The following TBC1D17 variants were observed in gnomAD, a reference collection of about 807,000 sequenced individuals.
The protein encoded by TBC1D17 is TBC1 domain family member 17, also known as TBC1 domain family, member 17.
Under a neutral mutation model 78.8 loss-of-function variants are expected in TBC1D17, and 69 were observed. The ratio of observed to expected loss-of-function variants is 0.88; its 90% CI spans 0.72 to 1.07. TBC1D17 has a LOEUF of 1.07. Ranked by LOEUF, TBC1D17 falls within the 50% of genes least tolerant of loss-of-function variation. The pLI, the probability that TBC1D17 is intolerant of heterozygous loss-of-function variation, is 0.00. For missense variants in TBC1D17, 957 were observed against 861.0 expected (o/e 1.11, Z -1.39); for synonymous variants, 456 against 358.3 (o/e 1.27, Z -3.08).
In TBC1D17 at chr19:49,883,787, A is replaced by C. The variant is rs767623582; in HGVS notation, c.1126+42A>C. On this transcript the variant is annotated intron_variant, in intron 10 of 16. Coordinates refer to ENST00000221543, the MANE Select transcript of TBC1D17 (RefSeq NM_024682.3). ...GCACTTAGGGTGGATGGGAGCAGGG[A>C]ACCACAGGAGGGCCTCAGGCATAAG... 44 of 1,560,728 alleles carry C rather than the reference A, an allele frequency of 2.8e-5. No homozygotes were observed. In the South Asian group the frequency reaches 4.3e-4, roughly 15 times the overall value.
chr19:49,879,523 G>A lies in TBC1D17; in HGVS notation c.196-756G>A, dbSNP rs2074991252. 2.6e-5 allele frequency: 4 copies of A among 152,298 alleles called. No individual in the cohort carries two copies. The South Asian group carries it at 6.2e-4, about 24-fold the overall frequency. 9.4% of individuals were successfully genotyped at this position (152,298 alleles called of 1,614,324 possible). On this transcript the variant is annotated intron_variant, in intron 3 of 16. Transcript: ENST00000221543. ...TTTCCAGGTTGGCCTGCATCTGGTT[G>A]GTAGAATTTGTCCTGTGTCCTGGAT...
rs116089147 is a variant in TBC1D17, at chr19:49,877,800, T to G, written c.21+56T>G. ...AGTGTATGCGAAACGCCCCGTCTAGTGATCAGCTCTTCTCTCAGGCCTTGG... is the reference window on the plus strand; with the variant it reads ...AGTGTATGCGAAACGCCCCGTCTAGGGATCAGCTCTTCTCTCAGGCCTTGG... On this transcript the variant is annotated intron_variant, in intron 1 of 16. Transcript: ENST00000221543. 2.5e-3 allele frequency: 3,878 copies of G among 1,548,086 alleles called. 82 individuals carry two copies. In the African/African-American group the frequency reaches 0.044, roughly 18 times the overall value.
chr19:49,878,073 C>A, intron 1 of TBC1D17, 70 bp from the exon 2 acceptor site: 7 of 1,302,532 alleles, frequency 5.4e-6, no homozygotes, highest in Non-Finnish European at 7.5e-6. Flanking sequence ...TCCCTGGGCC[C>A]GTCCCTATTG....
In TBC1D17 at chr19:49,878,493, C is replaced by G; in HGVS notation, c.121-5C>G. On this transcript the variant is annotated splice_region_variant and splice_polypyrimidine_tract_variant and intron_variant, in intron 2 of 16. Coordinates refer to ENST00000221543, the MANE Select transcript of TBC1D17 (RefSeq NM_024682.3). ...CCTCTAACCCCGCCTCCCTCCTTACCCTAGGACAATGACGTCCTCCTGCAC... is the reference window on the plus strand; with the variant it reads ...CCTCTAACCCCGCCTCCCTCCTTACGCTAGGACAATGACGTCCTCCTGCAC... The G allele has an allele frequency of 6.2e-7, 1 of 1,613,702 alleles. No individual in the cohort carries two copies. The highest frequency in any genetic ancestry group is 8.5e-7 in the Non-Finnish European group (1 of 1,179,580).
At chr19:49,888,044 T>G (rs2305916) in intron 15 of TBC1D17, 187 bp from the exon 16 acceptor site, 483,334 of 1,067,430 alleles carry the variant, frequency 0.45, 112,977 homozygotes, top group African/African-American at 0.67. Flanking sequence ...GTGGGGACCT[T>G]CCCTCCCCGA....
At position 49,882,025 on chromosome 19, in the gene TBC1D17, A is replaced by T. The variant is rs927657449; in HGVS notation, c.528-16A>T. 6.2e-6 allele frequency: 10 copies of T among 1,605,782 alleles called. No individual in the cohort carries two copies. Among genetic ancestry groups the T allele is most frequent in the Non-Finnish European group, 8.5e-6 (10 of 1,174,192 alleles). The stretch of plus-strand genomic sequence containing the variant: ...CCTACCTGTGCATCACCTGTGCGTC[A>T]CCTCCCGCCTCCCAGCTCCCCGCAG... On this transcript the variant is annotated splice_polypyrimidine_tract_variant and intron_variant, in intron 5 of 16. Coordinates refer to ENST00000221543, the MANE Select transcript of TBC1D17 (RefSeq NM_024682.3).
Position 49,887,524 on chromosome 19 carries a change from T to G in TBC1D17, c.1493T>G (p.Ile498Ser). 2 of 1,614,146 alleles carry G rather than the reference T, an allele frequency of 1.2e-6. No individual in the cohort carries two copies. Among genetic ancestry groups the G allele is most frequent in the South Asian group, 1.1e-5 (1 of 91,062 alleles). ...SLCFCFRWLL[I>S]WFKREFPFPD... ...TGCTTCTGTTTCCGGTGGCTGCTCA[T>G]CTGGTTCAAGAGGGAATTCCCCTTC... The change falls in exon 14 of 17, where the codon ATC becomes AGC. Residue 498 changes from isoleucine to serine, a missense_variant. By Grantham distance (142) the Ile-to-Ser change is moderately radical. Transcript: ENST00000221543.
At chr19:49,878,053 G>C (rs575095266) in intron 1 of TBC1D17, 90 bp from the exon 2 acceptor site, 1 of 1,090,932 alleles carries the variant, frequency 9.2e-7, no homozygotes, top group Non-Finnish European at 1.3e-6. Flanking sequence ...CGCCCCCTGA[G>C]GGTGGCTCCT....
Position 49,882,781 on chromosome 19 carries a change from G to A in TBC1D17, c.816G>A (p.Arg272=). The A allele has an allele frequency of 2.5e-6, 4 of 1,582,652 alleles. No individual in the cohort carries two copies. Among genetic ancestry groups the A allele is most frequent in the Non-Finnish European group, 3.4e-6 (4 of 1,164,748 alleles). Residue 272 remains arginine (R), a synonymous_variant, in exon 8 of 17, where the codon CGG becomes CGA. Transcript: ENST00000221543. ...EVISCVELGP[R]PTVERGPPVT... is the part of the protein sequence containing the mutation. The stretch of plus-strand genomic sequence containing the variant: ...GCCTGCAGGTGGAGCTGGGGCCTCG[G>A]CCAACCGTGGAGCGGGGCCCTCCAG...
At chr19:49,887,130 C>G (rs2075064948) in intron 13 of TBC1D17, 1 of 323,690 alleles carries the variant, frequency 3.1e-6, no homozygotes, top group Non-Finnish European at 5.8e-6. Context: ...CGCCATCGCA[C>G]CCGGCCTTCA....
At chr19:49,887,905 G>T in intron 15 of TBC1D17, 71 bp downstream of exon 15, 1 of 1,284,290 alleles carries the variant, frequency 7.8e-7, no homozygotes, top group South Asian at 1.4e-5. Context: ...AGTACCTCCG[G>T]GGAGCAGGTG....
chr19:49,882,623 A>AGCCCCGGAAGAGGCTGCTGC lies in TBC1D17; in HGVS notation c.799-140_799-121dup. 9.3e-6 allele frequency: 13 copies of AGCCCCGGAAGAGGCTGCTGC among 1,397,156 alleles called. 1 individual carries two copies. In the South Asian group the frequency reaches 2.0e-4, roughly 21 times the overall value. The allele number at this position is 1,397,156 out of a possible 1,614,324, so 86.5% of individuals were successfully genotyped here. ...TAACTGGGGGATGACTTGGCTGCTG[A>AGCCCCGGAAGAGGCTGCTGC]GCCCCGGAAGAGGCTGCTGCCTGCC... On this transcript the variant is annotated intron_variant, in intron 7 of 16. Transcript: ENST00000221543.
In TBC1D17 at chr19:49,884,721, C is replaced by T. The variant is rs138109191; in HGVS notation, c.1407C>T (p.Leu469=). The T allele has an allele frequency of 1.9e-6, 3 of 1,613,948 alleles. No homozygotes were observed. The highest frequency in any genetic ancestry group is 2.2e-5 in the East Asian group (1 of 44,900). The change falls in exon 13 of 17, where the codon CTC becomes CTT. Residue 469 remains leucine (L), a synonymous_variant. Coordinates refer to ENST00000221543, the MANE Select transcript of TBC1D17 (RefSeq NM_024682.3). The stretch of plus-strand genomic sequence containing the variant: ...GGCAACTCGGGCGACTGCTGCTGCT[C>T]CTGAGGGTGCTGGACCCCCTGCTCT... ...MKRQLGRLLL[L]LRVLDPLLCD... is the part of the protein sequence containing the mutation.
rs774830710 is a variant in TBC1D17, at chr19:49,882,144, G to C, written c.631G>C (p.Val211Leu). 6.2e-7 allele frequency: 1 copy of C among 1,614,100 alleles called. No homozygotes were observed. Among genetic ancestry groups the C allele is most frequent in the Non-Finnish European group, 8.5e-7 (1 of 1,180,002 alleles). Residue 211 changes from valine to leucine, a missense_variant, in exon 6 of 17, where the codon GTG (valine) becomes CTG (leucine). By Grantham distance (32) the Val-to-Leu change is conservative. Coordinates refer to ENST00000221543, the MANE Select transcript of TBC1D17 (RefSeq NM_024682.3). Reference protein sequence around the residue: ...LQLFDQDSSNVVSRFLQDPYS... With the variant: ...LQLFDQDSSNLVSRFLQDPYS... ...GCTCTTTGACCAGGACAGCTCCAAT[G>C]TGGTGTCAGTGAGTGTCCCCAGCAG...
chr19:49,888,702 C>T lies in TBC1D17; in HGVS notation c.*78C>T, dbSNP rs374148017. 5.5e-5 allele frequency: 72 copies of T among 1,299,210 alleles called. No individual in the cohort carries two copies. In the East Asian group the frequency reaches 8.0e-4, roughly 14 times the overall value. The allele number at this position is 1,299,210 out of a possible 1,614,324, so 80.5% of individuals were successfully genotyped here. On this transcript the variant is annotated 3_prime_UTR_variant, in exon 17 of 17. Coordinates refer to ENST00000221543, the MANE Select transcript of TBC1D17 (RefSeq NM_024682.3). ...CCTGCGAGGGGGCAGGTGTGCTCCG[C>T]CGCCCTGCTGATAAGCTGGCTTCAT... is the stretch of plus-strand genomic sequence containing the variant.
chr19:49,882,347 C>G lies in TBC1D17; in HGVS notation c.745C>G (p.Leu249Val), dbSNP rs1395444978. The change falls in exon 7 of 17, where the codon CTT (leucine) becomes GTT (valine). Residue 249 changes from leucine to valine, a missense_variant. By Grantham distance (32) the Leu-to-Val change is conservative (BLOSUM62 1). Transcript: ENST00000221543. ...QPQPEGAASD[L>V]PPPPDDEPEP... is the part of the protein sequence containing the mutation. ...ACAGCCTGAGGGAGCCGCCTCCGAC[C>G]TTCCCCCGCCACCCGACGATGAGCC... 2.5e-6 allele frequency: 4 copies of G among 1,610,306 alleles called. No individual in the cohort carries two copies. In the East Asian group the frequency reaches 6.7e-5, roughly 27 times the overall value.
At chr19:49,885,059 CT>C in intron 13 of TBC1D17, 1 of 394,380 alleles carries the variant, frequency 2.5e-6, no homozygotes, top group Admixed American at 4.0e-5. Flanking sequence ...CCTGCCACTT[CT>C]TATCCCCACC....
chr19:49,881,425 G>A lies in TBC1D17; in HGVS notation c.477G>A (p.Gly159=), dbSNP rs1233118681. ...GSLPALHFHR[G]GTRALLRVLS... ...TGCCCGCACTGCACTTCCACCGCGG[G>A]GGCACCCGCGCCCTGCTCCGCGTCC... Residue 159 remains glycine, a synonymous_variant, in exon 5 of 17, where the codon GGG becomes GGA. Coordinates refer to ENST00000221543, the MANE Select transcript of TBC1D17 (RefSeq NM_024682.3). The A allele has an allele frequency of 6.2e-7, 1 of 1,612,288 alleles. No individual in the cohort carries two copies. The highest frequency in any genetic ancestry group is 2.2e-5 in the East Asian group (1 of 44,866).
chr19:49,884,971 T>C (rs1282550920), intron 13 of TBC1D17, among the ~76,000 whole-genome samples: 1 of 152,214 alleles, frequency 6.6e-6, no homozygotes, highest in African/African-American at 2.4e-5. Flanking sequence ...CCCGTCCTCA[T>C]GCTCACCTAG....
Sources: gnomAD v4.1 joint callset for allele counts (sites outside exome capture counted in the v4.1 genomes callset) on GRCh38, gnomAD v4.1.1 for gene constraint, MANE v1.5 for transcripts, NCBI Gene and HGNC (gene_info 2026-07-23, HGNC 2026-07-21) for gene names.